The following FAF2 variants were observed in gnomAD, a reference collection of about 807,000 sequenced individuals.
FAF2 encodes Fas associated factor family member 2.
In FAF2, 9 loss-of-function variants were observed where a neutral mutation model predicts 62.3. The observed-to-expected ratio is 0.14, with a 90% CI of 0.09 to 0.25. The LOEUF (loss-of-function observed/expected upper bound fraction) is 0.25, where lower values mean the gene tolerates loss of function less well. Ranked by LOEUF, FAF2 falls within the 10% of genes least tolerant of loss-of-function variation. The pLI, the probability that FAF2 is intolerant of heterozygous loss-of-function variation, is 1.00. For synonymous variants in FAF2, 202 were observed against 198.0 expected (o/e 1.02, Z -0.17); for missense variants, 368 against 556.2 (o/e 0.66, Z 3.40).
intron 1 of FAF2, among the ~76,000 whole-genome samples, chr5:176,474,103 T>G (rs1166978675): frequency 6.6e-6 from 1 of 152,214 alleles, no homozygotes; most frequent in East Asian, 1.9e-4. Context: ...GAGCAAGGGA[T>G]GTACATGTAT....
At chr5:176,465,874 G>A (rs189154002) in intron 1 of FAF2, among the ~76,000 whole-genome samples, 5 of 152,176 alleles carry the variant, frequency 3.3e-5, no homozygotes, top group East Asian at 1.9e-4. Flanking sequence ...AAAAGAAAAC[G>A]ATTTCAAGTA....
intron 1 of FAF2, among the ~76,000 whole-genome samples, chr5:176,474,780 A>G (rs891199173): frequency 2.0e-5 from 3 of 152,182 alleles, no homozygotes; most frequent in Admixed American, 1.3e-4. Flanking sequence ...CAAAATGAAA[A>G]TTTTGTTAGT....
intron 10 of FAF2, among the ~76,000 whole-genome samples, chr5:176,501,318 C>T (rs183750687): frequency 6.6e-6 from 1 of 152,300 alleles, no homozygotes; most frequent in African/African-American, 2.4e-5. Context: ...ATAGTGGATT[C>T]TGCAGTTTCC....
At chr5:176,473,208 T>TAG (rs1758604722) in intron 1 of FAF2, among the ~76,000 whole-genome samples, 2 of 152,224 alleles carry the variant, frequency 1.3e-5, no homozygotes, top group African/African-American at 4.8e-5. Flanking sequence ...TAGTCACATC[T>TAG]TAGGTTCCTC....
chr5:176,451,176 G>C (rs2113711571), intron 1 of FAF2, among the ~76,000 whole-genome samples: 1 of 152,228 alleles, frequency 6.6e-6, no homozygotes, highest in East Asian at 1.9e-4. Context: ...TTCGAGACCA[G>C]CCTGGCCAAC....
rs751597645 is a variant in FAF2, at chr5:176,473,314, G to A, written c.64-5874G>A. On this transcript the variant is annotated intron_variant, in intron 1 of 10. Coordinates refer to ENST00000261942, the MANE Select transcript of FAF2 (RefSeq NM_014613.3). ...GTATTTTGTAGAATATTTCTCAATT[G>A]ATATTTGCCTAATGTTTCTCTCATA... Among the ~76,000 whole-genome samples the A allele has an allele frequency of 3.9e-5, 6 of 152,112 alleles. No homozygotes were observed. The East Asian group carries it at 5.8e-4, about 15-fold the overall frequency.
rs541863230 is a variant in FAF2, at chr5:176,450,718, G to A, written c.63+2248G>A. On this transcript the variant is annotated intron_variant, in intron 1 of 10. Coordinates refer to ENST00000261942, the MANE Select transcript of FAF2 (RefSeq NM_014613.3). The stretch of plus-strand genomic sequence containing the variant: ...ACAGGCACGCGCCACCACATCCAGC[G>A]AATTTTTTGTATTTTTAGTAGAGAC... Among the ~76,000 whole-genome samples the A allele has an allele frequency of 1.1e-4, 17 of 152,060 alleles. No individual in the cohort carries two copies. In the South Asian group the frequency reaches 3.5e-3, roughly 32 times the overall value.
At position 176,463,477 on chromosome 5, in the gene FAF2, C is replaced by T. The variant is rs369121697; in HGVS notation, c.63+15007C>T. On this transcript the variant is annotated intron_variant, in intron 1 of 10. Coordinates refer to ENST00000261942, the MANE Select transcript of FAF2 (RefSeq NM_014613.3). ...AGAACCTTTTAAGCTAGTTCAGACTCATCTCACAGTGCTTTACAAATGTCT... is the reference window on the plus strand; with the variant it reads ...AGAACCTTTTAAGCTAGTTCAGACTTATCTCACAGTGCTTTACAAATGTCT... Among the ~76,000 whole-genome samples the T allele has an allele frequency of 4.2e-4, 64 of 152,102 alleles. No homozygotes were observed. In the East Asian group the frequency reaches 0.01, roughly 25 times the overall value.
At chr5:176,458,563 C>T (rs1758320569) in intron 1 of FAF2, among the ~76,000 whole-genome samples, 1 of 151,446 alleles carries the variant, frequency 6.6e-6, no homozygotes, top group Non-Finnish European at 1.5e-5. Flanking sequence ...GCCACCACAC[C>T]CAGCTAATTT....
intron 10 of FAF2, among the ~76,000 whole-genome samples, chr5:176,500,630 G>A (rs535889855): frequency 1.3e-5 from 2 of 152,250 alleles, no homozygotes; most frequent in East Asian, 3.9e-4. Context: ...CCCAAAGGAA[G>A]CCCCATTTTC....
chr5:176,479,149 G>A (rs1255808696), intron 1 of FAF2, 39 bp from the exon 2 acceptor site: 1 of 1,566,920 alleles, frequency 6.4e-7, no homozygotes, highest in Non-Finnish European at 8.8e-7. Flanking sequence ...TATACTGTTG[G>A]TTTTTCTCTA....
chr5:176,485,922 C>T (rs1336310538), intron 2 of FAF2, among the ~76,000 whole-genome samples: 7 of 152,046 alleles, frequency 4.6e-5, no homozygotes, highest in East Asian at 1.9e-4. Flanking sequence ...TGGATCAGAC[C>T]GAAGTTTCTC....
chr5:176,457,245 A>G (rs375180142), intron 1 of FAF2, among the ~76,000 whole-genome samples: 29 of 152,136 alleles, frequency 1.9e-4, no homozygotes, highest in African/African-American at 6.7e-4. Context: ...CTGGAGTGCA[A>G]TGGCTCAACC....
intron 1 of FAF2, among the ~76,000 whole-genome samples, chr5:176,458,272 G>C (rs1758311680): frequency 6.6e-6 from 1 of 151,714 alleles, no homozygotes. Context: ...AGTAGAGATG[G>C]GGTTTCGCCA....
At chr5:176,481,830 G>A (rs1758787975) in intron 2 of FAF2, among the ~76,000 whole-genome samples, 1 of 152,172 alleles carries the variant, frequency 6.6e-6, no homozygotes, top group Non-Finnish European at 1.5e-5. Flanking sequence ...TAGCGTTCAA[G>A]CTCTTGTGTG....
chr5:176,461,635 G>GTT (rs550275518), intron 1 of FAF2, among the ~76,000 whole-genome samples: 1 of 150,132 alleles, frequency 6.7e-6, no homozygotes. Context: ...GCTTTTGCCA[G>GTT]TTTTTTTTTA....
At chr5:176,476,417 T>C (rs1758691386) in intron 1 of FAF2, among the ~76,000 whole-genome samples, 1 of 152,174 alleles carries the variant, frequency 6.6e-6, no homozygotes. Flanking sequence ...TTTAAGCCCA[T>C]AGTGTGTGCC....
chr5:176,501,757 A>G (rs893640284), intron 10 of FAF2, among the ~76,000 whole-genome samples: 2 of 151,840 alleles, frequency 1.3e-5, no homozygotes, highest in Non-Finnish European at 2.9e-5. Context: ...TTATGTCTCT[A>G]ACTTTGTTTG....
chr5:176,484,829 T>C (rs1758845760), intron 2 of FAF2, among the ~76,000 whole-genome samples: 1 of 150,762 alleles, frequency 6.6e-6, no homozygotes, highest in African/African-American at 2.4e-5. Flanking sequence ...GGCGCGGAGG[T>C]TGCAGTGAGC....
Sources: gnomAD v4.1 joint callset for allele counts (sites outside exome capture counted in the v4.1 genomes callset) on GRCh38, gnomAD v4.1.1 for gene constraint, MANE v1.5 for transcripts, NCBI Gene and HGNC (gene_info 2026-07-23, HGNC 2026-07-21) for gene names.